The following MICAL3 variants were observed in gnomAD, a reference collection of about 807,000 sequenced individuals.
The protein encoded by MICAL3 is microtubule associated monooxygenase, calponin and LIM domain containing 3.
A neutral mutation model predicts 207.4 loss-of-function variants in MICAL3; 62 were observed. The observed-to-expected ratio is 0.30, with a 90% CI of 0.24 to 0.37. The LOEUF is 0.37. Ranked by LOEUF, MICAL3 falls within the 10% of genes least tolerant of loss-of-function variation. The pLI is 1.00. For synonymous variants in MICAL3, 1,077 were observed against 1,069.3 expected (o/e 1.01, Z -0.14); for missense variants, 2,368 against 2,635.6 (o/e 0.90, Z 2.22).
intron 19 of MICAL3, chr22:17,861,134 G>T: frequency 1.0e-6 from 1 of 985,376 alleles, no homozygotes; most frequent in Non-Finnish European, 1.2e-6. Flanking sequence ...GGAAGGGGAC[G>T]TGGGAAGCAG....
Position 17,818,161 on chromosome 22 carries a change from C to A in MICAL3, c.4500G>T (p.Glu1500Asp), listed in dbSNP as rs1338453884. ...LPATWMRPPR[E>D]PAQPPREEVR... The stretch of plus-strand genomic sequence containing the variant: ...CCTCCTCTCTGGGGGGCTGAGCAGG[C>A]TCCCGGGGGGGCCGCATCCAGGTGG... Residue 1500 changes from glutamate to aspartate, a missense_variant, in exon 26 of 32, where the codon GAG becomes GAT. This residue lies in a region of MICAL3 where 1,770 missense variants were observed against 1,863.2 expected (regional missense o/e 0.95). Coordinates refer to ENST00000441493, the MANE Select transcript of MICAL3 (RefSeq NM_015241.3). The A allele has an allele frequency of 1.9e-6, 3 of 1,599,564 alleles. No homozygotes were observed. The highest frequency in any genetic ancestry group is 2.6e-6 in the Non-Finnish European group (3 of 1,174,900).
chr22:17,933,515 A>G (rs923064396), intron 1 of MICAL3, among the ~76,000 whole-genome samples: 3 of 152,238 alleles, frequency 2.0e-5, no homozygotes, highest in African/African-American at 7.2e-5. Flanking sequence ...CACAAGAGAA[A>G]GCAGGAAAGA....
intron 20 of MICAL3, chr22:17,834,184 CTG>C: frequency 1.0e-6 from 1 of 980,828 alleles, no homozygotes; most frequent in Non-Finnish European, 1.3e-6. Context: ...GGCTGTGTGA[CTG>C]TGAGTTGATT....
intron 19 of MICAL3, chr22:17,860,162 A>T: frequency 2.1e-6 from 2 of 969,738 alleles, no homozygotes; most frequent in Non-Finnish European, 2.5e-6. Flanking sequence ...AAATCCGAAG[A>T]TTGTTTGGAA....
At chr22:17,980,481 G>C (rs1935858598) in intron 1 of MICAL3, among the ~76,000 whole-genome samples, 1 of 152,172 alleles carries the variant, frequency 6.6e-6, no homozygotes, top group South Asian at 2.1e-4. Context: ...TACCCTCCTA[G>C]TGGGCAAGGA....
Position 17,841,925 on chromosome 22 carries a change from G to T in MICAL3, c.2698C>A (p.Leu900Met). 2 of 1,600,388 alleles carry T rather than the reference G, an allele frequency of 1.2e-6. No homozygotes were observed. The stretch of plus-strand genomic sequence containing the variant: ...TCCTGCAGTGCCTCAGCCTGCCTCA[G>T]GGACAGGCGGTAGTTCTCCAGCTCG... ...RIELENYRLS[L>M]RQAEALQEVP... Residue 900 changes from leucine (L) to methionine (M), a missense_variant, in exon 20 of 32, where the codon CTG becomes ATG. Leu to Met is a conservative substitution (Grantham distance 15). This residue lies in a region of MICAL3 where 1,770 missense variants were observed against 1,863.2 expected (regional missense o/e 0.95). Coordinates refer to ENST00000441493, the MANE Select transcript of MICAL3 (RefSeq NM_015241.3). The surrounding 1 kb of genome is among the most constrained non-coding windows in gnomAD (Gnocchi z 4.2).
chr22:17,976,534 T>TGTGTGTGTGG, intron 1 of MICAL3, among the ~76,000 whole-genome samples: 1 of 108,508 alleles, frequency 9.2e-6, no homozygotes, highest in African/African-American at 4.2e-5. Context: ...TGTGTATATA[T>TGTGTGTGTGG]ATGTGTGTGT....
chr22:17,981,735 G>A (rs1935917512), intron 1 of MICAL3, among the ~76,000 whole-genome samples: 1 of 152,142 alleles, frequency 6.6e-6, no homozygotes, highest in Non-Finnish European at 1.5e-5. Context: ...GCGATGCTAA[G>A]GTCAACAGGA....
intron 16 of MICAL3, chr22:17,876,935 T>TATGGAGGTG (rs1569109463): frequency 1.0e-3 from 42 of 42,158 alleles, no homozygotes; most frequent in Non-Finnish European, 1.7e-3. Flanking sequence ...TTAGGGAGGT[T>TATGGAGGTG]AGGGAGGTTA....
intron 27 of MICAL3, among the ~76,000 whole-genome samples, chr22:17,815,974 G>A (rs1241315459): frequency 6.6e-6 from 1 of 152,242 alleles, no homozygotes; most frequent in Admixed American, 6.5e-5. Context: ...AAGGGAGGCA[G>A]GAAGCAGGAG....
Position 17,903,095 on chromosome 22 carries a change from C to A in MICAL3, c.473-348G>T, listed in dbSNP as rs117405799. Among the ~76,000 whole-genome samples the A allele has an allele frequency of 2.3e-3, 348 of 152,362 alleles. 8 individuals carry two copies. In the East Asian group the frequency reaches 0.05, roughly 22 times the overall value. On this transcript the variant is annotated intron_variant, in intron 3 of 31. Coordinates refer to ENST00000441493, the MANE Select transcript of MICAL3 (RefSeq NM_015241.3). ...CTGCCATATTGGCAGCATCTCCAATCCTGCTAGGAGGCAGATGTGCACCCA... is the reference window on the plus strand; with the variant it reads ...CTGCCATATTGGCAGCATCTCCAATACTGCTAGGAGGCAGATGTGCACCCA...
At chr22:17,907,607 A>G (rs1931834941) in intron 1 of MICAL3, among the ~76,000 whole-genome samples, 1 of 152,198 alleles carries the variant, frequency 6.6e-6, no homozygotes, top group African/African-American at 2.4e-5. Flanking sequence ...AGCATACAAA[A>G]GCAGGAAGAT....
In MICAL3 at chr22:17,899,292, T is replaced by C. The variant is rs1931126558; in HGVS notation, c.948+156A>G. ...TTTGAAATTAGCCATAGTTAAGAGT[T>C]GTTCACGCTAAACTGGAAAACATCA... On this transcript the variant is annotated intron_variant, in intron 7 of 31. Transcript: ENST00000441493. The C allele has an allele frequency of 5.7e-6, 4 of 703,516 alleles. 1 individual carries two copies. Among genetic ancestry groups the C allele is most frequent in the South Asian group, 4.5e-5 (3 of 66,692 alleles). The allele number at this position is 703,516 out of a possible 1,614,324, so 43.6% of individuals were successfully genotyped here. A position where few individuals can be genotyped will look rare whatever the true frequency, so the allele number is the denominator to read the frequency against.
rs776449542 is a variant in MICAL3, at chr22:17,817,393, G to A, written c.5268C>T (p.Asp1756=). 2.4e-5 allele frequency: 38 copies of A among 1,612,970 alleles called. No homozygotes were observed. Among genetic ancestry groups the A allele is most frequent in the South Asian group, 1.5e-4 (14 of 91,058 alleles). Residue 1756 remains aspartate (D), a synonymous_variant, in exon 26 of 32, where the codon GAC becomes GAT. Coordinates refer to ENST00000441493, the MANE Select transcript of MICAL3 (RefSeq NM_015241.3). Reference sequence around the variant, plus strand: ...AGGGGGTGCTGGGGCAGGACTTGTCGTCGGCCTTCTTCTTCTTGTCCTTCT... The same window carrying A: ...AGGGGGTGCTGGGGCAGGACTTGTCATCGGCCTTCTTCTTCTTGTCCTTCT... ...GYKKDKKKKA[D]DKSCPSTPSS... is the part of the protein sequence containing the mutation.
At chr22:17,877,730 C>A (rs1929004897) in intron 16 of MICAL3, among the ~76,000 whole-genome samples, 1 of 152,074 alleles carries the variant, frequency 6.6e-6, no homozygotes, top group East Asian at 1.9e-4. Context: ...TCTCTGCAAG[C>A]CTTATTGCCT....
rs769842553 is a variant in MICAL3 at position 17,817,764 on chromosome 22, G to A, written c.4897C>T (p.Arg1633Cys). ...MELASGAPRPRKASSAPSQGK... is the reference protein window; with the variant it reads ...MELASGAPRPCKASSAPSQGK... ...TGGGAGGGTGCTGAGGACGCCTTGC[G>A]GGGCCTGGGGGCGCCTGAGGCCAGC... The change falls in exon 26 of 32, where the codon CGC becomes TGC. Residue 1633 changes from arginine (R) to cysteine (C), a missense_variant. By Grantham distance (180) the Arg-to-Cys change is radical. Coordinates refer to ENST00000441493, the MANE Select transcript of MICAL3 (RefSeq NM_015241.3). 20 of 1,593,288 alleles carry A rather than the reference G, an allele frequency of 1.3e-5. No homozygotes were observed. The highest frequency in any genetic ancestry group is 4.5e-5 in the East Asian group (2 of 44,600).
rs144514448 is a variant in MICAL3, at chr22:17,835,927, C to T, written c.2802-3820G>A. 1.8e-3 allele frequency among the ~76,000 whole-genome samples: 280 copies of T among 152,318 alleles called. 4 individuals are homozygous for T. In the East Asian group the frequency reaches 0.042, roughly 23 times the overall value. ...CCAGGGGCTGCGGTGAAAGCCAGGG[C>T]AGGCTTACGCTACTTTCAGAGATGT... is the stretch of plus-strand genomic sequence containing the variant. On this transcript the variant is annotated intron_variant, in intron 20 of 31. Coordinates refer to ENST00000441493, the MANE Select transcript of MICAL3 (RefSeq NM_015241.3).
intron 1 of MICAL3, among the ~76,000 whole-genome samples, chr22:17,957,743 C>CGAGA (rs35596616): frequency 0.037 from 5,149 of 138,282 alleles, 162 homozygotes; most frequent in African/African-American, 0.079. Flanking sequence ...AGAAAGAAAA[C>CGAGA]GAGAGAGAGA....
At chr22:17,849,188 A>AC (rs1295113983) in intron 19 of MICAL3, among the ~76,000 whole-genome samples, 1 of 152,226 alleles carries the variant, frequency 6.6e-6, no homozygotes, top group Non-Finnish European at 1.5e-5. Context: ...GGCTCTACAC[A>AC]CGGCCTTAAA....
Sources: gnomAD v4.1 joint callset for allele counts (sites outside exome capture counted in the v4.1 genomes callset) on GRCh38, gnomAD v4.1.1 for gene constraint, gnomAD v4.1.1 regional missense constraint, Gnocchi (gnomAD v3.1) non-coding constraint, MANE v1.5 for transcripts, NCBI Gene and HGNC (gene_info 2026-07-23, HGNC 2026-07-21) for gene names.